VWA8: variants seen among roughly 807,000 people sequenced by gnomAD.
VWA8 encodes the protein von Willebrand factor A domain containing 8.
VWA8 carries 221 observed loss-of-function variants against 241.5 expected under a neutral mutation model. That is an observed-to-expected ratio of 0.91 (90% CI 0.82 to 1.02). The LOEUF (loss-of-function observed/expected upper bound fraction) is 1.02. VWA8 is among the 50% of genes least tolerant of loss of function. The pLI, the probability that VWA8 is intolerant of heterozygous loss-of-function variation, is 0.00. For synonymous variants in VWA8, 852 were observed against 827.1 expected, an observed-to-expected ratio of 1.03 and a Z score of -0.52; for missense variants, 2,322 against 2,328.7, an observed-to-expected ratio of 1.00 and a Z score of 0.06.
intron 12 of VWA8, among the ~76,000 whole-genome samples, chr13:41,845,128 C>T (rs1161138248): frequency 6.6e-6 from 1 of 152,014 alleles, no homozygotes; most frequent in Admixed American, 6.6e-5. Context: ...AGAGGCATCA[C>T]ATTACATGAC....
intron 12 of VWA8, among the ~76,000 whole-genome samples, chr13:41,845,643 G>A (rs1872257405): frequency 6.6e-6 from 1 of 151,928 alleles, no homozygotes; most frequent in African/African-American, 2.4e-5. Context: ...CCATAAAATA[G>A]AATGAAATCA....
rs780811862 is a variant in VWA8 at position 41,568,148 on chromosome 13, C to CCTGT, written c.*45_*48dup. ...TCTTTTTTTCAGAATACTCTTTATT[C>CCTGT]CTGTCTTATTTCAAATCCTGGTGTC... On this transcript the variant is annotated 3_prime_UTR_variant, in exon 45 of 45. Transcript: ENST00000379310. 5.4e-6 allele frequency: 8 copies of CCTGT among 1,470,538 alleles called. No homozygotes were observed. In the African/African-American group the frequency reaches 1.1e-4, roughly 21 times the overall value. The allele number at this position is 1,470,538 out of a possible 1,614,324, so 91.1% of individuals were successfully genotyped here.
intron 14 of VWA8, among the ~76,000 whole-genome samples, chr13:41,826,736 T>G (rs1382481247): frequency 6.6e-6 from 1 of 151,892 alleles, no homozygotes; most frequent in Admixed American, 6.6e-5. Flanking sequence ...AAAACGGGTG[T>G]GGCGATGCGC....
At chr13:41,958,534 A>G (rs1047706431) in intron 1 of VWA8, among the ~76,000 whole-genome samples, 2 of 152,240 alleles carry the variant, frequency 1.3e-5, no homozygotes, top group African/African-American at 2.4e-5. Flanking sequence ...CATAAGATGT[A>G]ATCCATTATG....
At chr13:41,751,465 C>G (rs2045655841) in intron 21 of VWA8, among the ~76,000 whole-genome samples, 1 of 152,160 alleles carries the variant, frequency 6.6e-6, no homozygotes, top group African/African-American at 2.4e-5. Context: ...GCTGTGATGA[C>G]TCAATAATAA....
In VWA8 at chr13:41,707,391, T is replaced by C. The variant is rs955323585; in HGVS notation, c.3117-3980A>G. On this transcript the variant is annotated intron_variant, in intron 26 of 44. Transcript: ENST00000379310. ...GATCTTTCTAGGGGCATTATGCAATTGGAAGTTGTTGACATACCTATTATC... is the reference window on the plus strand; with the variant it reads ...GATCTTTCTAGGGGCATTATGCAATCGGAAGTTGTTGACATACCTATTATC... Among the ~76,000 whole-genome samples, 4 of 152,220 alleles carry C rather than the reference T, an allele frequency of 2.6e-5. No individual in the cohort carries two copies. In the South Asian group the frequency reaches 8.3e-4, roughly 32 times the overall value.
chr13:41,876,789 T>C (rs1400628582), intron 9 of VWA8, among the ~76,000 whole-genome samples: 1 of 151,510 alleles, frequency 6.6e-6, no homozygotes, highest in Non-Finnish European at 1.5e-5. Flanking sequence ...TGCTATTACT[T>C]TCTTCTTCAA....
At position 41,959,606 on chromosome 13, in the gene VWA8, CTT is replaced by C. The variant is rs1168629617; in HGVS notation, c.163+1245_163+1246del. On this transcript the variant is annotated intron_variant, in intron 1 of 44. Transcript: ENST00000379310. ...ACGAAATACGTGGGACCTAAATATG[CTT>C]TTTTTTTTTTTTTTTTTGAGATGGA... Among the ~76,000 whole-genome samples the C allele has an allele frequency of 4.1e-3, 326 of 79,620 alleles. 5 individuals are homozygous for C. The highest frequency in any genetic ancestry group is 0.013 in the African/African-American group (293 of 22,614). The allele number at this position is 79,620 out of a possible 152,430, so 52.2% of individuals were successfully genotyped here. A position where few individuals can be genotyped will look rare whatever the true frequency, so the allele number is the denominator to read the frequency against.
At chr13:41,701,145 T>G (rs2045246646) in intron 28 of VWA8, among the ~76,000 whole-genome samples, 1 of 152,238 alleles carries the variant, frequency 6.6e-6, no homozygotes, top group Non-Finnish European at 1.5e-5. Context: ...TGTTTAACTT[T>G]GTGCTACAAT....
At chr13:41,754,941 CT>C (rs962678944) in intron 21 of VWA8, among the ~76,000 whole-genome samples, 6 of 151,836 alleles carry the variant, frequency 4.0e-5, no homozygotes, top group Non-Finnish European at 8.8e-5. Context: ...GGATCTCATT[CT>C]TTTTTTTATG....
rs141617102 is a variant in VWA8 at position 41,730,017 on chromosome 13, A to T, written c.2503-340T>A. Among the ~76,000 whole-genome samples, 14 of 152,292 alleles carry T rather than the reference A, an allele frequency of 9.2e-5. 1 individual carries two copies. The East Asian group carries it at 2.7e-3, about 29-fold the overall frequency. ...AGTAGGAGAGATGTAAAACAAGCAT[A>T]ACAAATAGAGAAAGTGCCATGGGAG... On this transcript the variant is annotated intron_variant, in intron 22 of 44. Transcript: ENST00000379310.
chr13:41,575,898 T>A, intron 42 of VWA8, 60 bp from the exon 43 acceptor site: 1 of 1,265,256 alleles, frequency 7.9e-7, no homozygotes, highest in African/African-American at 1.5e-5. Flanking sequence ...AGTCATTAGA[T>A]CTTTAATGTT....
At chr13:41,915,785 T>C (rs1876222363) in intron 2 of VWA8, among the ~76,000 whole-genome samples, 1 of 152,236 alleles carries the variant, frequency 6.6e-6, no homozygotes, top group South Asian at 2.1e-4. Context: ...TTAATACATA[T>C]AAGCTACTTC....
At chr13:41,663,576 T>A (rs2044966624) in intron 37 of VWA8, among the ~76,000 whole-genome samples, 1 of 152,112 alleles carries the variant, frequency 6.6e-6, no homozygotes, top group South Asian at 2.1e-4. Flanking sequence ...AATATTCTTA[T>A]GTCTCCTTAT....
intron 37 of VWA8, among the ~76,000 whole-genome samples, chr13:41,618,905 C>T (rs536043832): frequency 9.2e-5 from 14 of 152,272 alleles, no homozygotes; most frequent in Admixed American, 7.2e-4. Flanking sequence ...AGTAAGGTAG[C>T]GTGATGCCTC....
rs760775860 is a variant in VWA8, at chr13:41,642,861, G to A, written c.4612-27777C>T. On this transcript the variant is annotated intron_variant, in intron 37 of 44. Transcript: ENST00000379310. The stretch of plus-strand genomic sequence containing the variant: ...GGAGAAATGCTTGAACCCAGGAGGC[G>A]GAGGTTGCAGTGAGCTGAGATCACA... Among the ~76,000 whole-genome samples, 51 of 152,114 alleles carry A rather than the reference G, an allele frequency of 3.4e-4. 2 individuals are homozygous for A. Among genetic ancestry groups the A allele is most frequent in the South Asian group, 1.2e-3 (6 of 4,814 alleles).
chr13:41,769,986 G>A (rs1278673790), intron 20 of VWA8, among the ~76,000 whole-genome samples: 2 of 152,206 alleles, frequency 1.3e-5, no homozygotes, highest in Admixed American at 6.5e-5. Context: ...AAGAAAATAA[G>A]ATTACTTCTT....
intron 37 of VWA8, among the ~76,000 whole-genome samples, chr13:41,644,294 T>G (rs916669577): frequency 1.5e-4 from 23 of 149,986 alleles, no homozygotes; most frequent in Non-Finnish European, 2.8e-4. Context: ...AAAACCAGAG[T>G]GTAGAGAGGT....
At chr13:41,959,720 G>C (rs1363176209) in intron 1 of VWA8, among the ~76,000 whole-genome samples, 1 of 144,524 alleles carries the variant, frequency 6.9e-6, no homozygotes, top group Non-Finnish European at 1.5e-5. Flanking sequence ...TTCTGCCTCA[G>C]CCTCCGGAGT....
Sources: allele counts gnomAD v4.1 joint callset (sites outside exome capture counted in the v4.1 genomes callset), GRCh38; gene constraint gnomAD v4.1.1; transcripts MANE v1.5; gene names NCBI Gene and HGNC (gene_info 2026-07-23, HGNC 2026-07-21).